Variants in CEP72 observed in about 807,000 individuals in gnomAD.
CEP72 encodes centrosomal protein 72, also known as centrosomal protein of 72 kDa.
In CEP72, 78 loss-of-function variants were observed where a neutral mutation model predicts 65.7. The observed-to-expected ratio is 1.19, with a 90% confidence interval of 0.99 to 1.43. The LOEUF is 1.43. CEP72 is among the 40% of genes most tolerant of loss of function. The probability of loss-of-function intolerance (pLI) is 0.00; values close to 1 mark genes in which losing one functional copy is unlikely to be tolerated. For synonymous variants in CEP72, 358 were observed against 351.7 expected, an observed-to-expected ratio of 1.02 and a Z score of -0.20; for missense variants, 914 against 832.9, an observed-to-expected ratio of 1.10 and a Z score of -1.20.
downstream of CEP72, among the ~76,000 whole-genome samples, chr5:671,826 G>A (rs547788273): frequency 6.6e-6 from 1 of 152,364 alleles, no homozygotes; most frequent in Non-Finnish European, 1.5e-5. Flanking sequence ...GCAAGCCCGG[G>A]ACAGGGTGGC....
chr5:631,685 A>C (rs372090663), intron 4 of CEP72, among the ~76,000 whole-genome samples: 9 of 27,028 alleles, frequency 3.3e-4, no homozygotes, highest in South Asian at 2.1e-3. Context: ...CGGGATTTAG[A>C]CCAGTCCTGG....
At chr5:641,236 C>T in intron 9 of CEP72, 1 of 985,408 alleles carries the variant, frequency 1.0e-6, no homozygotes, top group Non-Finnish European at 1.2e-6. Context: ...AGGCTCCCTC[C>T]ACGCTGCAAG....
chr5:624,570 AAG>A lies in CEP72; in HGVS notation c.506_507del (p.Glu169GlyfsTer25). 6.2e-7 allele frequency: 1 copy of A among 1,610,476 alleles called. No homozygotes were observed. On this transcript the variant is annotated frameshift_variant, in exon 4 of 12. Coordinates refer to ENST00000264935, the MANE Select transcript of CEP72 (RefSeq NM_018140.4). LOFTEE classifies it high-confidence loss of function. This position sits in a 1 kb window ranked among gnomAD's most constrained non-coding sequence, Gnocchi z 4.7. ...AAAGAGAGCGTCCCAGCTTCTTTGA[AAG>A]AGGGCAGGTATGAACGGAAGTGCTA...
chr5:642,140 A>G, intron 9 of CEP72: 1 of 928,746 alleles, frequency 1.1e-6, no homozygotes, highest in African/African-American at 1.9e-5. Context: ...AAGCCTCTGC[A>G]TTTGAACACA....
the CEP72 span, among the ~76,000 whole-genome samples, chr5:673,343 C>T: frequency 1.3e-5 from 2 of 151,986 alleles, no homozygotes; most frequent in Non-Finnish European, 2.9e-5. Context: ...ATCACAGGGA[C>T]CCCCCGAGGG....
chr5:642,956 C>A, intron 9 of CEP72: 2 of 985,490 alleles, frequency 2.0e-6, no homozygotes, highest in South Asian at 9.4e-5. Flanking sequence ...GGCCCCACTT[C>A]CAGCTGCTGT....
At chr5:649,043 T>C (rs563002224) in intron 11 of CEP72, among the ~76,000 whole-genome samples, 1 of 148,538 alleles carries the variant, frequency 6.7e-6, no homozygotes, top group East Asian at 2.1e-4. Context: ...GAGGTGTGAC[T>C]GTGAGGTGTG....
chr5:620,547 G>A (rs1486643582), intron 3 of CEP72, among the ~76,000 whole-genome samples: 12 of 152,316 alleles, frequency 7.9e-5, no homozygotes, highest in East Asian at 1.9e-4. Flanking sequence ...GGCTCTCCGC[G>A]TCATGGCTGT....
chr5:658,121 C>A (rs1739428382), downstream of CEP72, among the ~76,000 whole-genome samples: 1 of 152,222 alleles, frequency 6.6e-6, no homozygotes, highest in African/African-American at 2.4e-5. Context: ...GATGTAGGGA[C>A]AGTTGTGTCC....
chr5:658,645 A>ATTTTTTTTTT (rs70955278), downstream of CEP72, among the ~76,000 whole-genome samples: 11 of 55,986 alleles, frequency 2.0e-4, 3 homozygotes, highest in Non-Finnish European at 3.4e-4. Flanking sequence ...AGCAAAGCTG[A>ATTTTTTTTTT]TTTTTTTTTT....
chr5:628,709 A>G (rs1736965532), intron 4 of CEP72, among the ~76,000 whole-genome samples: 1 of 125,716 alleles, frequency 8.0e-6, no homozygotes, highest in Non-Finnish European at 1.7e-5. Flanking sequence ...TGTTCCCAGG[A>G]CCCAGCCCCC....
intron 10 of CEP72, among the ~76,000 whole-genome samples, chr5:646,771 G>C (rs1738454376): frequency 2.0e-5 from 3 of 152,238 alleles, no homozygotes; most frequent in African/African-American, 7.2e-5. Flanking sequence ...AAGGACACTT[G>C]GGGGCTGTCC....
chr5:665,275 C>T (rs1303367135), exon 3 of CEP72: 1 of 1,613,338 alleles, frequency 6.2e-7, no homozygotes, highest in African/African-American at 1.3e-5. Flanking sequence ...AGCCTCGACA[C>T]TGTGGGCGAC....
intron 4 of CEP72, among the ~76,000 whole-genome samples, chr5:627,756 A>T (rs931937183): frequency 6.6e-6 from 1 of 152,186 alleles, no homozygotes; most frequent in Non-Finnish European, 1.5e-5. Context: ...CACTTATTCC[A>T]CGTGGTTGGA....
chr5:665,941 G>T, exon 4 of CEP72: 1 of 378,594 alleles, frequency 2.6e-6, no homozygotes, highest in Non-Finnish European at 4.1e-6. Context: ...CCCCCTCCAG[G>T]CCCCGCCTTC....
the CEP72 span, among the ~76,000 whole-genome samples, chr5:672,981 C>T: frequency 6.6e-6 from 1 of 152,230 alleles, no homozygotes; most frequent in African/African-American, 2.4e-5. Flanking sequence ...GCCGGTGGAG[C>T]CATGGCAACC....
At chr5:639,686 T>C (rs1737869778) in intron 8 of CEP72, among the ~76,000 whole-genome samples, 1 of 152,196 alleles carries the variant, frequency 6.6e-6, no homozygotes, top group South Asian at 2.1e-4. Context: ...TGTTGGATTC[T>C]ACCAGGCAAC....
chr5:635,285 A>G (rs1737509326), intron 5 of CEP72, 87 bp from the exon 6 acceptor site: 4 of 1,021,668 alleles, frequency 3.9e-6, no homozygotes, highest in Middle Eastern at 6.1e-4. Context: ...GATACCATAC[A>G]CTATTCAGAA....
chr5:649,493 A>C (rs1738768014), intron 11 of CEP72, among the ~76,000 whole-genome samples: 1 of 48,620 alleles, frequency 2.1e-5, no homozygotes, highest in Non-Finnish European at 3.7e-5. Flanking sequence ...TGAGGTGTGG[A>C]CTGTGAGGTG....
Sources: gnomAD v4.1 joint callset for allele counts (sites outside exome capture counted in the v4.1 genomes callset) on GRCh38, gnomAD v4.1.1 for gene constraint, Gnocchi (gnomAD v3.1) non-coding constraint, MANE v1.5 for transcripts, NCBI Gene and HGNC (gene_info 2026-07-23, HGNC 2026-07-21) for gene names.